Variants in FOXP2 observed in about 807,000 individuals in gnomAD.
FOXP2 encodes the protein forkhead box protein P2.
Under a neutral mutation model 115.8 loss-of-function variants are expected in FOXP2, and 12 were observed. The observed-to-expected ratio is 0.10, with a 90% confidence interval of 0.07 to 0.17. The LOEUF (loss-of-function observed/expected upper bound fraction) is 0.17. Ranked by LOEUF, FOXP2 falls within the 10% of genes least tolerant of loss-of-function variation. The pLI is 1.00. For missense variants in FOXP2, 629 were observed against 843.5 expected (o/e 0.75, Z 3.15); for synonymous variants, 328 against 297.7 (o/e 1.10, Z -1.05).
chr7:114,198,647 A>G (rs868395084), intron 1 of FOXP2, among the ~76,000 whole-genome samples: 1 of 152,090 alleles, frequency 6.6e-6, no homozygotes, highest in Non-Finnish European at 1.5e-5. Context: ...ACCTCTTGCT[A>G]TGTGGCCCAG....
At chr7:114,614,946 C>T (rs535469823) in intron 3 of FOXP2, among the ~76,000 whole-genome samples, 31 of 152,140 alleles carry the variant, frequency 2.0e-4, no homozygotes, top group Non-Finnish European at 3.8e-4. Flanking sequence ...TTTGGCTGGG[C>T]GCAGTGGCTC....
intron 2 of FOXP2, among the ~76,000 whole-genome samples, chr7:114,294,949 A>T (rs973633361): frequency 6.6e-6 from 1 of 152,080 alleles, no homozygotes; most frequent in Non-Finnish European, 1.5e-5. Context: ...AATTCTCATT[A>T]AACCATAATT....
intron 2 of FOXP2, among the ~76,000 whole-genome samples, chr7:114,395,097 ATACTT>A (rs1792706845): frequency 6.6e-6 from 1 of 152,180 alleles, no homozygotes; most frequent in South Asian, 2.1e-4. Flanking sequence ...TATCTGTACT[ATACTT>A]ACAACTTTTC....
chr7:114,629,759 G>C (rs771853101), intron 4 of FOXP2, 46 bp from the exon 5 acceptor site: 1 of 1,612,648 alleles, frequency 6.2e-7, no homozygotes, highest in African/African-American at 1.3e-5. Context: ...TTTATAATAC[G>C]TGAAACTTTT....
intron 3 of FOXP2, among the ~76,000 whole-genome samples, chr7:114,552,564 A>G (rs1800262625): frequency 6.6e-6 from 1 of 152,186 alleles, no homozygotes; most frequent in East Asian, 1.9e-4. Context: ...ATCAGCAAAA[A>G]CAAGAAGAAG....
rs572226489 is a variant in FOXP2, at chr7:114,531,513, A to G, written c.169-3104A>G. Among the ~76,000 whole-genome samples the G allele has an allele frequency of 1.1e-4, 17 of 152,002 alleles. No homozygotes were observed. The East Asian group carries it at 3.3e-3, about 29-fold the overall frequency. On this transcript the variant is annotated intron_variant, in intron 2 of 16. Transcript: ENST00000350908. ...CCAGAATACTGGAAATAAAAATGTC[A>G]TATGATGCATGCAGTGAGAATGCAA...
intron 1 of FOXP2, among the ~76,000 whole-genome samples, chr7:114,127,217 G>C (rs1170828123): frequency 6.6e-6 from 1 of 152,142 alleles, no homozygotes; most frequent in Non-Finnish European, 1.5e-5. Context: ...CTCTATCAAA[G>C]TCAACAAGAG....
intron 2 of FOXP2, among the ~76,000 whole-genome samples, chr7:114,309,954 T>A (rs1259800755): frequency 6.6e-6 from 1 of 151,944 alleles, no homozygotes; most frequent in East Asian, 1.9e-4. Context: ...CATGAGCCAC[T>A]GCACCTGGTG....
chr7:114,086,440 G>A (rs1363223065), upstream of FOXP2: 3 of 342,364 alleles, frequency 8.8e-6, no homozygotes, highest in South Asian at 6.3e-5. Context: ...TTATTTATGC[G>A]GCGGCCGCGT....
intron 2 of FOXP2, among the ~76,000 whole-genome samples, chr7:114,509,144 A>G (rs1584825508): frequency 6.6e-6 from 1 of 152,218 alleles, no homozygotes; most frequent in East Asian, 1.9e-4. Context: ...GCATGATAGT[A>G]TGAAAGTCAG....
chr7:114,642,810 A>ATAT (rs1438251149), intron 7 of FOXP2, among the ~76,000 whole-genome samples, 187 bp downstream of exon 7: 1 of 75,768 alleles, frequency 1.3e-5, no homozygotes, highest in Non-Finnish European at 2.3e-5. Context: ...ATATATATAT[A>ATAT]TATTTTTTTT....
chr7:114,256,135 T>G (rs192520184), intron 1 of FOXP2, among the ~76,000 whole-genome samples: 2 of 152,214 alleles, frequency 1.3e-5, no homozygotes, highest in East Asian at 3.9e-4. Flanking sequence ...AGAGTTTTGC[T>G]CTTGTTACCC....
intron 1 of FOXP2, among the ~76,000 whole-genome samples, chr7:114,253,468 T>G (rs1347564235): frequency 1.8e-4 from 27 of 152,218 alleles, no homozygotes; most frequent in East Asian, 1.4e-3. Flanking sequence ...TTATGAATCT[T>G]GGTGCTCCTG....
At chr7:114,689,681 GTCT>G in intron 16 of FOXP2, 98 bp from the exon 17 acceptor site, 7 of 1,162,124 alleles carry the variant, frequency 6.0e-6, no homozygotes, top group Non-Finnish European at 8.9e-6. Flanking sequence ...ACAATGTTGT[GTCT>G]TCTTGCCTTT....
intron 1 of FOXP2, among the ~76,000 whole-genome samples, chr7:114,235,838 C>T (rs79255485): frequency 1.3e-5 from 2 of 152,330 alleles, no homozygotes; most frequent in East Asian, 1.9e-4. Flanking sequence ...ATTAGTTGTT[C>T]ATTCTCCAGT....
chr7:114,495,337 T>C (rs1191850611), intron 2 of FOXP2, among the ~76,000 whole-genome samples: 2 of 152,144 alleles, frequency 1.3e-5, no homozygotes, highest in African/African-American at 2.4e-5. Context: ...AATATTTGTT[T>C]TATTAATATT....
intron 2 of FOXP2, among the ~76,000 whole-genome samples, chr7:114,391,101 C>T (rs1161058726): frequency 2.0e-5 from 3 of 151,866 alleles, no homozygotes; most frequent in African/African-American, 4.8e-5. Flanking sequence ...GCAGGAGAAT[C>T]GCTTGAACCC....
At chr7:114,558,587 CA>C (rs1800583878) in intron 3 of FOXP2, among the ~76,000 whole-genome samples, 1 of 152,166 alleles carries the variant, frequency 6.6e-6, no homozygotes, top group African/African-American at 2.4e-5. Context: ...CAGAATACAT[CA>C]GGGGGTCAGA....
intron 2 of FOXP2, among the ~76,000 whole-genome samples, chr7:114,334,502 T>C (rs182903673): frequency 2.0e-5 from 3 of 152,060 alleles, no homozygotes; most frequent in Admixed American, 2.0e-4. Flanking sequence ...AAATTTAACA[T>C]AGTTTCCAAA....
Sources: gnomAD v4.1 joint callset for allele counts (sites outside exome capture counted in the v4.1 genomes callset) on GRCh38, gnomAD v4.1.1 for gene constraint, MANE v1.5 for transcripts, NCBI Gene and HGNC (gene_info 2026-07-23, HGNC 2026-07-21) for gene names.